Variants in DGKG observed in about 807,000 individuals in gnomAD.
DGKG encodes DAG kinase gamma.
In DGKG, 78 loss-of-function variants were observed where a neutral mutation model predicts 105.3. The ratio of observed to expected loss-of-function variants is 0.74; its 90% CI spans 0.62 to 0.89. The LOEUF is 0.89. Ranked by LOEUF, DGKG falls within the 40% of genes least tolerant of loss-of-function variation. The pLI is 0.00. For missense variants in DGKG, 958 were observed against 1,020.1 expected (o/e 0.94, Z 0.83); for synonymous variants, 346 against 367.1 (o/e 0.94, Z 0.66).
intron 22 of DGKG, among the ~76,000 whole-genome samples, chr3:186,184,256 C>T (rs1717507830): frequency 6.6e-6 from 1 of 151,982 alleles, no homozygotes; most frequent in Admixed American, 6.6e-5. Flanking sequence ...GGGTAATTTC[C>T]CAAGATCTAT....
At chr3:186,214,775 G>A (rs1465395218) in intron 20 of DGKG, among the ~76,000 whole-genome samples, 1 of 152,208 alleles carries the variant, frequency 6.6e-6, no homozygotes, top group African/African-American at 2.4e-5. Context: ...CCAGGGACTA[G>A]AGAAGGTGTG....
Position 186,203,221 on chromosome 3 carries a change from C to T in DGKG, c.1917+8574G>A, listed in dbSNP as rs188374015. Among the ~76,000 whole-genome samples, 1 of 152,208 alleles carries T rather than the reference C, an allele frequency of 6.6e-6. No individual in the cohort carries two copies. The highest frequency in any genetic ancestry group is 1.9e-4 in the East Asian group (1 of 5,180). ...GTAGTCAGTGCACGACTGAAAGAGA[C>T]AGAGATGGGGATGATGGAGCTGCAT... On this transcript the variant is annotated intron_variant, in intron 21 of 24. Coordinates refer to ENST00000265022, the MANE Select transcript of DGKG (RefSeq NM_001346.3). This position sits in a 1 kb window ranked among gnomAD's most constrained non-coding sequence, Gnocchi z 4.9.
At chr3:186,260,578 G>T in intron 15 of DGKG, 65 bp from the exon 16 acceptor site, 1 of 1,275,838 alleles carries the variant, frequency 7.8e-7, no homozygotes. Flanking sequence ...ATCGTGAGAA[G>T]TCACATTAGG....
chr3:186,347,220 G>A (rs923180926), intron 1 of DGKG, among the ~76,000 whole-genome samples: 1 of 151,924 alleles, frequency 6.6e-6, no homozygotes, highest in Non-Finnish European at 1.5e-5. Flanking sequence ...AGGCCGAGGC[G>A]GGCGGATCAC....
Position 186,299,841 on chromosome 3 carries a change from T to TTC in DGKG, c.145-1613_145-1612insGA, listed in dbSNP as rs1723827570. On this transcript the variant is annotated intron_variant, in intron 3 of 24. Coordinates refer to ENST00000265022, the MANE Select transcript of DGKG (RefSeq NM_001346.3). ...TCTTTCTTTCTTTCTTTCTTTCTTT[T>TTC]TTTTTTTTTTTGAGATAGAGCCTTG... Among the ~76,000 whole-genome samples, 204 of 74,656 alleles carry TTC rather than the reference T, an allele frequency of 2.7e-3. 7 individuals carry two copies. The highest frequency in any genetic ancestry group is 0.012 in the African/African-American group (199 of 17,084). The allele number at this position is 74,656 out of a possible 152,430, so 49.0% of individuals were successfully genotyped here.
intron 1 of DGKG, among the ~76,000 whole-genome samples, chr3:186,340,836 G>C (rs1726053449): frequency 6.6e-6 from 1 of 152,130 alleles, no homozygotes; most frequent in African/African-American, 2.4e-5. Flanking sequence ...AATTCGCCAA[G>C]TTTTGTCTTT....
intron 22 of DGKG, among the ~76,000 whole-genome samples, chr3:186,185,909 C>T: frequency 6.6e-6 from 1 of 151,714 alleles, no homozygotes; most frequent in Non-Finnish European, 1.5e-5. Flanking sequence ...CCAGCCTGGT[C>T]AACATGGAGA....
At chr3:186,230,720 A>G (rs930301171) in intron 20 of DGKG, among the ~76,000 whole-genome samples, 4 of 152,074 alleles carry the variant, frequency 2.6e-5, no homozygotes, top group African/African-American at 9.7e-5. Context: ...CTGAGGATGG[A>G]ACATCTTGGG....
intron 19 of DGKG, among the ~76,000 whole-genome samples, chr3:186,244,998 T>G (rs1195482965): frequency 1.3e-5 from 2 of 152,078 alleles, no homozygotes; most frequent in African/African-American, 4.8e-5. Flanking sequence ...AAGCACTAAT[T>G]TTCGTCTGTC....
At chr3:186,334,082 C>T (rs2108654008) in intron 1 of DGKG, among the ~76,000 whole-genome samples, 1 of 152,264 alleles carries the variant, frequency 6.6e-6, no homozygotes, top group South Asian at 2.1e-4. Context: ...TTCTCCTTTC[C>T]TTTTCCTCAT....
rs184554510 is a variant in DGKG at position 186,360,310 on chromosome 3, G to C, written c.-249+1636C>G. On this transcript the variant is annotated intron_variant, in intron 1 of 24. Coordinates refer to ENST00000265022, the MANE Select transcript of DGKG (RefSeq NM_001346.3). ...CTCCATAAAATTCTAAGGTAGGAAA[G>C]ACTCATCTACTAGCTTCCCACCCTA... is the stretch of plus-strand genomic sequence containing the variant. Among the ~76,000 whole-genome samples the C allele has an allele frequency of 1.2e-3, 178 of 152,252 alleles. 1 individual carries two copies. Among genetic ancestry groups the C allele is most frequent in the Non-Finnish European group, 1.9e-3 (127 of 68,014 alleles).
intron 1 of DGKG, among the ~76,000 whole-genome samples, chr3:186,349,382 G>A (rs2108670760): frequency 6.6e-6 from 1 of 152,256 alleles, no homozygotes; most frequent in Admixed American, 6.5e-5. Context: ...TGCTTCCACT[G>A]CATGATTTTA....
chr3:186,193,943 G>A (rs1718041413), intron 21 of DGKG, among the ~76,000 whole-genome samples: 1 of 152,228 alleles, frequency 6.6e-6, no homozygotes, highest in Admixed American at 6.5e-5. Flanking sequence ...CCGGAGTGGG[G>A]CTGAAACAGA....
chr3:186,165,701 A>C (rs1578610900), intron 22 of DGKG, among the ~76,000 whole-genome samples: 1 of 152,238 alleles, frequency 6.6e-6, no homozygotes, highest in Non-Finnish European at 1.5e-5. Flanking sequence ...GGTCTCCCAC[A>C]GTGGGATTTG....
At chr3:186,249,545 A>G (rs751067050) in intron 19 of DGKG, among the ~76,000 whole-genome samples, 1 of 152,138 alleles carries the variant, frequency 6.6e-6, no homozygotes, top group Non-Finnish European at 1.5e-5. Flanking sequence ...CTTCTTATTA[A>G]AAAAATAAAA....
chr3:186,351,883 C>T (rs1251251620), intron 1 of DGKG, among the ~76,000 whole-genome samples: 3 of 152,188 alleles, frequency 2.0e-5, no homozygotes, highest in African/African-American at 7.2e-5. Flanking sequence ...ACCAGAGGAG[C>T]TAAGGAATTA....
intron 20 of DGKG, among the ~76,000 whole-genome samples, chr3:186,230,630 G>A (rs1170938068): frequency 2.0e-5 from 3 of 152,158 alleles, no homozygotes; most frequent in Non-Finnish European, 4.4e-5. Flanking sequence ...GTGTCCCAGG[G>A]AGACTAATGG....
rs1721711961 is a variant in DGKG at position 186,260,450 on chromosome 3, C to G, written c.1413G>C (p.Gly471=). The change falls in exon 16 of 25, where the codon GGG becomes GGC. Residue 471 remains glycine (G), a synonymous_variant. Coordinates refer to ENST00000265022, the MANE Select transcript of DGKG (RefSeq NM_001346.3). ...TGTGATCTCCATACCCTGGAGTAGGCCCCCCATTGTCCAGGTTGAAAACTT... is the reference window on the plus strand; with the variant it reads ...TGTGATCTCCATACCCTGGAGTAGGGCCCCCATTGTCCAGGTTGAAAACTT... ...PKQVFNLDNG[G]PTPGLNFFRD... is the part of the protein sequence containing the mutation. 1.2e-6 allele frequency: 2 copies of G among 1,609,860 alleles called. No homozygotes were observed. Among genetic ancestry groups the G allele is most frequent in the Non-Finnish European group, 1.7e-6 (2 of 1,176,342 alleles).
chr3:186,147,621 C>T lies in DGKG; in HGVS notation c.*2469G>A. 1.0e-6 allele frequency: 1 copy of T among 985,436 alleles called. No individual in the cohort carries two copies. The highest frequency in any genetic ancestry group is 1.2e-6 in the Non-Finnish European group (1 of 829,916). The allele number at this position is 985,436 out of a possible 1,614,324, so 61.0% of individuals were successfully genotyped here. On this transcript the variant is annotated 3_prime_UTR_variant, in exon 25 of 25. Transcript: ENST00000265022. Reference sequence around the variant, plus strand: ...TGTCTCTCAAGCAACATTGCAAGTCCTGTGCACTAGGGTGCAGCAGGTAAG... The same window carrying T: ...TGTCTCTCAAGCAACATTGCAAGTCTTGTGCACTAGGGTGCAGCAGGTAAG...
Sources: gnomAD v4.1 joint callset for allele counts (sites outside exome capture counted in the v4.1 genomes callset) on GRCh38, gnomAD v4.1.1 for gene constraint, Gnocchi (gnomAD v3.1) non-coding constraint, MANE v1.5 for transcripts, NCBI Gene and HGNC (gene_info 2026-07-23, HGNC 2026-07-21) for gene names.